CHLSN: variants seen among roughly 807,000 people sequenced by gnomAD.
The protein encoded by CHLSN is cholesin.
chr7:1,106,065 T>C, the CHLSN span, among the ~76,000 whole-genome samples: 1 of 152,248 alleles, frequency 6.6e-6, no homozygotes, highest in East Asian at 1.9e-4. Context: ...TGCTGTTTAT[T>C]TAGGAAACGA....
At chr7:1,081,382 G>A in the CHLSN span, among the ~76,000 whole-genome samples, 3 of 152,360 alleles carry the variant, frequency 2.0e-5, no homozygotes, top group Non-Finnish European at 2.9e-5. Flanking sequence ...ACCTGTCTGG[G>A]ACCACTCAGA....
At chr7:1,096,757 G>C in the CHLSN span, among the ~76,000 whole-genome samples, 3 of 152,186 alleles carry the variant, frequency 2.0e-5, no homozygotes, top group Non-Finnish European at 4.4e-5. The surrounding 1 kb of genome is among the most constrained non-coding windows in gnomAD (Gnocchi z 4.6). Flanking sequence ...ATTAACTCTT[G>C]ACCTCACGAG....
the CHLSN span, chr7:1,022,890 C>T: frequency 5.0e-6 from 2 of 401,722 alleles, no homozygotes; most frequent in East Asian, 1.5e-4. Flanking sequence ...TGCTACAAAG[C>T]GCGGCGACGT....
the CHLSN span, among the ~76,000 whole-genome samples, chr7:1,049,533 C>G: frequency 6.6e-6 from 1 of 152,208 alleles, no homozygotes; most frequent in Non-Finnish European, 1.5e-5. Flanking sequence ...GCTCCAGAGC[C>G]CAGGCCCTTA....
At chr7:1,003,286 C>T in the CHLSN span, among the ~76,000 whole-genome samples, 815 of 10,038 alleles carry the variant, frequency 0.081, 75 homozygotes, top group African/African-American at 0.32. Flanking sequence ...TGGAGTCCTG[C>T]GGGTGAGTGG....
chr7:1,016,582 C>CGCACGCCAGT, the CHLSN span, among the ~76,000 whole-genome samples: 2 of 127,308 alleles, frequency 1.6e-5, no homozygotes, highest in Admixed American at 1.5e-4. Context: ...TACACAGCAG[C>CGCACGCCAGT]ACACAGCACC....
chr7:1,053,961 G>C, the CHLSN span, among the ~76,000 whole-genome samples: 2 of 152,190 alleles, frequency 1.3e-5, no homozygotes, highest in Admixed American at 1.3e-4. Flanking sequence ...TTCCTACCAC[G>C]AGCCAGAGAG....
chr7:1,136,290 A>T, the CHLSN span, among the ~76,000 whole-genome samples: 2 of 118,366 alleles, frequency 1.7e-5, no homozygotes, highest in Non-Finnish European at 3.2e-5. Flanking sequence ...ATATATAAAT[A>T]TATATAAACA....
the CHLSN span, among the ~76,000 whole-genome samples, chr7:1,051,596 A>G: frequency 6.6e-6 from 1 of 152,378 alleles, no homozygotes; most frequent in African/African-American, 2.4e-5. Flanking sequence ...GACTGGTCAG[A>G]TATCTCCCGC....
chr7:1,119,352 A>G, the CHLSN span, among the ~76,000 whole-genome samples: 2 of 152,260 alleles, frequency 1.3e-5, no homozygotes, highest in Non-Finnish European at 2.9e-5. Flanking sequence ...TGAGAGGCCA[A>G]GGCAGGAGGC....
the CHLSN span, chr7:1,109,581 T>C: frequency 6.6e-6 from 1 of 152,234 alleles, no homozygotes; most frequent in Non-Finnish European, 1.5e-5. Flanking sequence ...GTGAGTTTAG[T>C]CTGCAGGTGC....
At chr7:987,225 G>T in the CHLSN span, 1 of 1,537,278 alleles carries the variant, frequency 6.5e-7, no homozygotes. Context: ...CTTCTGATGG[G>T]CCGGCACCCG....
the CHLSN span, among the ~76,000 whole-genome samples, chr7:1,113,330 T>A: frequency 6.6e-6 from 1 of 151,994 alleles, no homozygotes; most frequent in Non-Finnish European, 1.5e-5. Flanking sequence ...TTTCACACTG[T>A]CCCCCAGCAA....
the CHLSN span, among the ~76,000 whole-genome samples, chr7:1,006,971 G>A: frequency 1.7e-4 from 26 of 152,312 alleles, no homozygotes; most frequent in South Asian, 1.7e-3. Flanking sequence ...CAGGTCACAG[G>A]CCAAGGTCAC....
chr7:1,123,884 G>A, the CHLSN span, among the ~76,000 whole-genome samples: 8 of 152,022 alleles, frequency 5.3e-5, no homozygotes, highest in Non-Finnish European at 8.8e-5. This position sits in a 1 kb window ranked among gnomAD's most constrained non-coding sequence, Gnocchi z 4.4. Flanking sequence ...CACCGAGACC[G>A]CATTCCCTGG....
the CHLSN span, among the ~76,000 whole-genome samples, chr7:1,062,210 CT>C: frequency 3.3e-3 from 499 of 152,132 alleles, 2 homozygotes; most frequent in African/African-American, 0.011. Flanking sequence ...TGTAGATTCA[CT>C]TCATTAAAGT....
chr7:991,890 GGT>G, the CHLSN span, among the ~76,000 whole-genome samples: 1 of 152,168 alleles, frequency 6.6e-6, no homozygotes, highest in Non-Finnish European at 1.5e-5. Flanking sequence ...CTGGTCTGTG[GGT>G]GTGAGGGCTC....
the CHLSN span, among the ~76,000 whole-genome samples, chr7:1,099,876 C>T: frequency 0.01 from 1,580 of 152,310 alleles, 29 homozygotes; most frequent in African/African-American, 0.036. Context: ...GGCCACGGTG[C>T]AGCAGACGCA....
At chr7:1,135,912 T>C in the CHLSN span, among the ~76,000 whole-genome samples, 16 of 105,380 alleles carry the variant, frequency 1.5e-4, 1 homozygote, top group African/African-American at 8.1e-4. Flanking sequence ...TATATAAAAA[T>C]ATATATAAGT....
Sources: gnomAD v4.1 joint callset for allele counts (sites outside exome capture counted in the v4.1 genomes callset) on GRCh38, gnomAD v4.1.1 for gene constraint, Gnocchi (gnomAD v3.1) non-coding constraint, MANE v1.5 for transcripts, NCBI Gene and HGNC (gene_info 2026-07-23, HGNC 2026-07-21) for gene names.